Variants in RAB31 observed in about 807,000 individuals in gnomAD.
The protein encoded by RAB31 is RAB31, member RAS oncogene family.
Under a neutral mutation model 25.6 loss-of-function variants are expected in RAB31, and 21 were observed. The observed-to-expected ratio is 0.82, with a 90% CI of 0.58 to 1.18. The LOEUF (loss-of-function observed/expected upper bound fraction) is 1.18. RAB31 is among the 50% of genes most tolerant of loss of function. The probability of loss-of-function intolerance (pLI) is 0.00; values close to 1 mark genes in which losing one functional copy is unlikely to be tolerated. For missense variants in RAB31, 196 were observed against 250.1 expected (o/e 0.78, Z 1.46); for synonymous variants, 87 against 84.0 (o/e 1.04, Z -0.20).
chr18:9,821,107 C>T (rs1319699142), intron 5 of RAB31, among the ~76,000 whole-genome samples: 1 of 151,986 alleles, frequency 6.6e-6, no homozygotes, highest in Non-Finnish European at 1.5e-5. Context: ...TTTTCTAATT[C>T]GTGTTCTAAC....
chr18:9,777,777 C>T (rs1341726357), intron 2 of RAB31, among the ~76,000 whole-genome samples: 23 of 117,032 alleles, frequency 2.0e-4, no homozygotes, highest in African/African-American at 6.7e-4. Context: ...TTTTTTGAGA[C>T]GGCGTCTTGC....
chr18:9,840,031 A>G (rs1439549164), intron 5 of RAB31, among the ~76,000 whole-genome samples: 1 of 152,098 alleles, frequency 6.6e-6, no homozygotes, highest in East Asian at 1.9e-4. Context: ...GGAGCTGGCC[A>G]CCGCTGCTGC....
At chr18:9,719,135 T>G (rs1015642290) in intron 1 of RAB31, among the ~76,000 whole-genome samples, 1 of 150,608 alleles carries the variant, frequency 6.6e-6, no homozygotes, top group African/African-American at 2.4e-5. Context: ...CTGAGCGTGG[T>G]GGCGTGCGCC....
chr18:9,815,056 C>T (rs59446209), intron 4 of RAB31, 60 bp from the exon 5 acceptor site: 83,850 of 1,216,944 alleles, frequency 0.069, 4,512 homozygotes, highest in East Asian at 0.32. Flanking sequence ...TGTATTTCTG[C>T]TTAGTTGAAA....
intron 5 of RAB31, among the ~76,000 whole-genome samples, chr18:9,829,174 A>C (rs560077650): frequency 6.6e-6 from 1 of 152,202 alleles, no homozygotes; most frequent in Admixed American, 6.5e-5. Flanking sequence ...ACCCTTCCCC[A>C]ATCGTATCCT....
intron 3 of RAB31, among the ~76,000 whole-genome samples, chr18:9,796,110 AC>A (rs1255865423): frequency 2.0e-5 from 3 of 152,240 alleles, no homozygotes; most frequent in South Asian, 2.1e-4. Flanking sequence ...GCAATTGGAG[AC>A]CATTATTCTA....
At chr18:9,709,577 C>T (rs183780180) in intron 1 of RAB31, among the ~76,000 whole-genome samples, 105 of 152,304 alleles carry the variant, frequency 6.9e-4, no homozygotes, top group Admixed American at 2.2e-3. Flanking sequence ...TCTTGTGGAA[C>T]CTCCGGCAGG....
chr18:9,822,394 T>C (rs1477685232), intron 5 of RAB31, among the ~76,000 whole-genome samples: 1 of 152,052 alleles, frequency 6.6e-6, no homozygotes, highest in Admixed American at 6.6e-5. Flanking sequence ...AGATCTGGGG[T>C]TAGGCAAAGA....
At chr18:9,786,791 A>G (rs920948308) in intron 2 of RAB31, 12 of 152,232 alleles carry the variant, frequency 7.9e-5, no homozygotes, top group Non-Finnish European at 1.5e-4. Flanking sequence ...TGTATATGCA[A>G]TCAAGGAATT....
chr18:9,845,600 T>C lies in RAB31; in HGVS notation c.399T>C (p.Asp133=). ...TTTCCAGGGAGGTTCCCCTGAAGGA[T>C]GCTAAGGAATACGCTGAATCCATAG... ...LSDIREVPLK[D]AKEYAESIGA... is the part of the protein sequence containing the mutation. Residue 133 remains aspartate (D), a synonymous_variant, in exon 6 of 7, where the codon GAT becomes GAC. Coordinates refer to ENST00000578921, the MANE Select transcript of RAB31 (RefSeq NM_006868.4). 1 of 1,556,308 alleles carries C rather than the reference T, an allele frequency of 6.4e-7. No individual in the cohort carries two copies. The highest frequency in any genetic ancestry group is 1.2e-5 in the South Asian group (1 of 82,796).
intron 1 of RAB31, among the ~76,000 whole-genome samples, chr18:9,738,844 C>T (rs1383350521): frequency 6.6e-6 from 1 of 152,150 alleles, no homozygotes; most frequent in Non-Finnish European, 1.5e-5. Flanking sequence ...TAGGACTCAG[C>T]CTCCCGCTGT....
At chr18:9,755,669 C>A (rs2068257062) in intron 1 of RAB31, among the ~76,000 whole-genome samples, 1 of 152,200 alleles carries the variant, frequency 6.6e-6, no homozygotes, top group Admixed American at 6.5e-5. Flanking sequence ...CTCATGGCAG[C>A]AGTACATGGA....
intron 1 of RAB31, chr18:9,734,887 G>T (rs1354263569): frequency 1.1e-5 from 3 of 284,958 alleles, no homozygotes; most frequent in Middle Eastern, 8.9e-4. Context: ...CATCAGAATT[G>T]GGCCTTCATG....
chr18:9,819,379 A>G (rs927313864), intron 5 of RAB31, among the ~76,000 whole-genome samples: 1 of 152,136 alleles, frequency 6.6e-6, no homozygotes. Flanking sequence ...GCAGTCAACC[A>G]TAAATGTGGT....
chr18:9,849,664 T>A (rs1353903103), intron 6 of RAB31: 1 of 152,236 alleles, frequency 6.6e-6, no homozygotes, highest in African/African-American at 2.4e-5. Context: ...GAGGTTACTA[T>A]GGGGCGAGGG....
intron 1 of RAB31, among the ~76,000 whole-genome samples, chr18:9,737,003 C>T (rs1019397713): frequency 3.3e-5 from 5 of 152,116 alleles, no homozygotes; most frequent in African/African-American, 1.2e-4. Flanking sequence ...TGTATTTGCA[C>T]TTATAAATGT....
intron 3 of RAB31, among the ~76,000 whole-genome samples, chr18:9,796,103 A>G (rs929900350): frequency 6.6e-6 from 1 of 152,232 alleles, no homozygotes; most frequent in African/African-American, 2.4e-5. Flanking sequence ...ACTGGATGCA[A>G]TTGGAGACCA....
chr18:9,813,440 A>C (rs2068585151), intron 3 of RAB31, among the ~76,000 whole-genome samples: 1 of 152,244 alleles, frequency 6.6e-6, no homozygotes, highest in Non-Finnish European at 1.5e-5. Context: ...AAGAAAATTC[A>C]CAAGATGGTA....
At chr18:9,726,289 T>C (rs1242692241) in intron 1 of RAB31, 5 of 152,272 alleles carry the variant, frequency 3.3e-5, no homozygotes, top group African/African-American at 9.6e-5. Context: ...AGGGGACTGT[T>C]AGAGATCAGA....
Sources: gnomAD v4.1 joint callset for allele counts (sites outside exome capture counted in the v4.1 genomes callset) on GRCh38, gnomAD v4.1.1 for gene constraint, MANE v1.5 for transcripts, NCBI Gene and HGNC (gene_info 2026-07-23, HGNC 2026-07-21) for gene names.